The following WDR7 variants were observed in gnomAD, a reference collection of about 807,000 sequenced individuals.
WDR7 encodes the protein WD repeat domain 7.
WDR7 carries 46 observed loss-of-function variants against 169.4 expected under a neutral mutation model. The ratio of observed to expected loss-of-function variants is 0.27; its 90% CI spans 0.21 to 0.35. WDR7 has a LOEUF of 0.35. WDR7 is among the 10% of genes least tolerant of loss of function. The pLI, the probability that WDR7 is intolerant of heterozygous loss-of-function variation, is 1.00. For synonymous variants in WDR7, 612 were observed against 666.8 expected (o/e 0.92, Z 1.27); for missense variants, 1,534 against 1,859.3 (o/e 0.83, Z 3.22).
chr18:56,679,749 C>A (rs1034866625), intron 3 of WDR7, among the ~76,000 whole-genome samples: 11 of 152,152 alleles, frequency 7.2e-5, no homozygotes, highest in Admixed American at 6.5e-4. Flanking sequence ...AGTTGCCAGA[C>A]AACTTTGAGA....
chr18:56,773,572 GAT>G (rs1206282244), intron 16 of WDR7, among the ~76,000 whole-genome samples: 10 of 152,080 alleles, frequency 6.6e-5, no homozygotes, highest in Admixed American at 6.6e-4. Flanking sequence ...AAGCATTGGA[GAT>G]ATGATATATT....
chr18:57,011,799 C>A (rs1318534358), intron 26 of WDR7, among the ~76,000 whole-genome samples: 1 of 145,836 alleles, frequency 6.9e-6, no homozygotes, highest in African/African-American at 2.4e-5. Context: ...AAGCTGAGTT[C>A]TTTTCAATAC....
At chr18:56,717,855 T>A (rs2026226395) in intron 12 of WDR7, 109 bp from the exon 13 acceptor site, 2 of 1,089,234 alleles carry the variant, frequency 1.8e-6, no homozygotes, top group African/African-American at 3.2e-5. Context: ...TGTGGTGGTT[T>A]TTCAGTGGCA....
chr18:56,824,381 A>G lies in WDR7; in HGVS notation c.3304+8237A>G, dbSNP rs144461035. Among the ~76,000 whole-genome samples, 619 of 152,320 alleles carry G rather than the reference A, an allele frequency of 4.1e-3. 4 individuals are homozygous for G. Among genetic ancestry groups the G allele is most frequent in the African/African-American group, 0.014 (587 of 41,572 alleles). ...TTTGTTAAGTGATCATTTCACTTGC[A>G]CTTTCTGAGTCATGTGGGCATGTGA... On this transcript the variant is annotated intron_variant, in intron 20 of 27. Coordinates refer to ENST00000254442, the MANE Select transcript of WDR7 (RefSeq NM_015285.3).
intron 20 of WDR7, among the ~76,000 whole-genome samples, chr18:56,879,174 T>C (rs2046070292): frequency 6.6e-6 from 1 of 152,198 alleles, no homozygotes; most frequent in Admixed American, 6.5e-5. Flanking sequence ...GGTAACCCTA[T>C]GTCTAACTTG....
intron 21 of WDR7, among the ~76,000 whole-genome samples, chr18:56,893,397 T>C (rs2046291284): frequency 6.6e-6 from 1 of 152,266 alleles, no homozygotes; most frequent in South Asian, 2.1e-4. Flanking sequence ...ACATCTAGTG[T>C]TAATCCCTCT....
intron 26 of WDR7, among the ~76,000 whole-genome samples, chr18:57,015,917 C>A (rs1472564651): frequency 6.6e-6 from 1 of 152,228 alleles, no homozygotes; most frequent in Non-Finnish European, 1.5e-5. Flanking sequence ...TGACTCCATA[C>A]ACACACAGAC....
At chr18:56,935,570 A>T (rs2046948084) in intron 22 of WDR7, among the ~76,000 whole-genome samples, 1 of 152,212 alleles carries the variant, frequency 6.6e-6, no homozygotes, top group South Asian at 2.1e-4. Flanking sequence ...ACAGATGCAC[A>T]TACTGTTTTC....
intron 2 of WDR7, among the ~76,000 whole-genome samples, chr18:56,678,205 G>T (rs1450967400): frequency 6.6e-6 from 1 of 152,214 alleles, no homozygotes; most frequent in African/African-American, 2.4e-5. Context: ...TCAAAACAGA[G>T]AATTCAAACC....
intron 21 of WDR7, among the ~76,000 whole-genome samples, chr18:56,885,219 A>G (rs1229293077): frequency 6.6e-6 from 1 of 152,158 alleles, no homozygotes; most frequent in Non-Finnish European, 1.5e-5. Flanking sequence ...ATATGACAAA[A>G]CAAGGTTTTG....
intron 14 of WDR7, among the ~76,000 whole-genome samples, chr18:56,754,190 G>A (rs1474529924): frequency 6.6e-6 from 1 of 151,262 alleles, no homozygotes; most frequent in Non-Finnish European, 1.5e-5. Flanking sequence ...AGGGATTGTG[G>A]TGAGAGGTGA....
At chr18:56,783,427 A>G (rs1397232775) in intron 19 of WDR7, among the ~76,000 whole-genome samples, 1 of 152,200 alleles carries the variant, frequency 6.6e-6, no homozygotes, top group Non-Finnish European at 1.5e-5. Flanking sequence ...TTTATTGAAT[A>G]TAAGATCCCC....
At chr18:56,714,084 A>G (rs926513627) in intron 12 of WDR7, among the ~76,000 whole-genome samples, 2 of 152,236 alleles carry the variant, frequency 1.3e-5, no homozygotes, top group African/African-American at 4.8e-5. Context: ...CAGGCTGCAA[A>G]GGTAGCCATC....
rs118117281 is a variant in WDR7, at chr18:56,875,328, C to T, written c.3305-4616C>T. ...TGTCTTCTGTTTAACATCACAAAAC[C>T]AAATCCACTGTAATCTCTCATCTTG... On this transcript the variant is annotated intron_variant, in intron 20 of 27. Coordinates refer to ENST00000254442, the MANE Select transcript of WDR7 (RefSeq NM_015285.3). Among the ~76,000 whole-genome samples, 66 of 152,272 alleles carry T rather than the reference C, an allele frequency of 4.3e-4. 3 individuals are homozygous for T. The East Asian group carries it at 0.012, about 28-fold the overall frequency.
chr18:56,991,544 G>A (rs184144535), intron 26 of WDR7, among the ~76,000 whole-genome samples: 1 of 151,974 alleles, frequency 6.6e-6, no homozygotes, highest in Admixed American at 6.6e-5. Context: ...CCCTGTTGGG[G>A]GGAAAAAAGA....
intron 19 of WDR7, among the ~76,000 whole-genome samples, chr18:56,790,462 T>C (rs1017608271): frequency 6.6e-6 from 1 of 152,192 alleles, no homozygotes; most frequent in Admixed American, 6.5e-5. Flanking sequence ...ATCTTACGGA[T>C]TGGAAGGAAA....
chr18:56,800,326 T>C (rs2044651243), intron 19 of WDR7, among the ~76,000 whole-genome samples: 3 of 152,210 alleles, frequency 2.0e-5, no homozygotes, highest in African/African-American at 7.2e-5. Flanking sequence ...TGCATTATGC[T>C]CATTACAGTG....
chr18:56,821,772 A>T (rs1479374137), intron 20 of WDR7, among the ~76,000 whole-genome samples: 2 of 150,368 alleles, frequency 1.3e-5, no homozygotes, highest in African/African-American at 4.9e-5. Context: ...AGGCAGGAGG[A>T]TTGCTTGAGG....
rs142607226 is a variant in WDR7 at position 56,966,530 on chromosome 18, TATAAC to T, written c.4164+4005_4164+4009del. ...TTGTAAGAATATAGTATATAACACA[TATAAC>T]ATACAAGATATGTGTCAAATGACTG... is the stretch of plus-strand genomic sequence containing the variant. On this transcript the variant is annotated intron_variant, in intron 26 of 27. Transcript: ENST00000254442. Among the ~76,000 whole-genome samples, 784 of 152,288 alleles carry T rather than the reference TATAAC, an allele frequency of 5.1e-3. 4 individuals carry two copies. The highest frequency in any genetic ancestry group is 9.1e-3 in the Non-Finnish European group (616 of 68,016).
Sources: gnomAD v4.1 joint callset for allele counts (sites outside exome capture counted in the v4.1 genomes callset) on GRCh38, gnomAD v4.1.1 for gene constraint, MANE v1.5 for transcripts, NCBI Gene and HGNC (gene_info 2026-07-23, HGNC 2026-07-21) for gene names.